The following NECTIN1 variants were observed in gnomAD, a reference collection of about 807,000 sequenced individuals.
The protein encoded by NECTIN1 is nectin cell adhesion molecule 1.
A neutral mutation model predicts 48.0 loss-of-function variants in NECTIN1; 23 were observed. The ratio of observed to expected loss-of-function variants is 0.48; its 90% CI spans 0.34 to 0.68. NECTIN1 has a LOEUF of 0.68. NECTIN1 is among the 30% of genes least tolerant of loss of function. The pLI, the probability that NECTIN1 is intolerant of heterozygous loss-of-function variation, is 0.01. For missense variants in NECTIN1, 591 were observed against 709.9 expected (o/e 0.83, Z 1.90); for synonymous variants, 270 against 288.9 (o/e 0.93, Z 0.66).
At chr11:119,714,045 A>G (rs1220628265) in intron 1 of NECTIN1, 1 of 310,346 alleles carries the variant, frequency 3.2e-6, no homozygotes, top group Admixed American at 4.3e-5. Flanking sequence ...CTGAGGGTAC[A>G]TCGAAGCTCA....
chr11:119,701,481 G>A (rs1450516914), intron 1 of NECTIN1, among the ~76,000 whole-genome samples: 4 of 152,004 alleles, frequency 2.6e-5, no homozygotes, highest in African/African-American at 7.3e-5. Flanking sequence ...CATTGTGGGG[G>A]CCCTCTCAGC....
At chr11:119,655,102 G>T (rs960458255) in intron 5 of NECTIN1, among the ~76,000 whole-genome samples, 1 of 151,104 alleles carries the variant, frequency 6.6e-6, no homozygotes, top group Non-Finnish European at 1.5e-5. Flanking sequence ...GTGGAGATGG[G>T]GTTTCACCAT....
In NECTIN1 at chr11:119,677,624, G is replaced by T. The variant is rs752333781; in HGVS notation, c.664C>A (p.Gln222Lys). Residue 222 changes from glutamine to lysine, a missense_variant, in exon 3 of 6, where the codon CAG (glutamine) becomes AAG (lysine). Physicochemically the swap from Gln to Lys is moderately conservative, Grantham distance 53. Coordinates refer to ENST00000264025, the MANE Select transcript of NECTIN1 (RefSeq NM_002855.5). The surrounding 1 kb of genome is among the most constrained non-coding windows in gnomAD (Gnocchi z 5.4). ...RLVPSREAHQQSLACIVNYHM... is the reference protein window; with the variant it reads ...RLVPSREAHQKSLACIVNYHM... ...TAGTTGACGATGCAGGCCAAGGACT[G>T]CTGGTGGGCTTCCCTGCTGGGCACC... is the stretch of plus-strand genomic sequence containing the variant. 2 of 1,613,764 alleles carry T rather than the reference G, an allele frequency of 1.2e-6. No individual in the cohort carries two copies. The highest frequency in any genetic ancestry group is 1.7e-6 in the Non-Finnish European group (2 of 1,180,026).
rs1164216284 is a variant in NECTIN1 at position 119,661,410 on chromosome 11, G to A, written c.*3337C>T. 1 of 985,886 alleles carries A rather than the reference G, an allele frequency of 1.0e-6. No homozygotes were observed. The highest frequency in any genetic ancestry group is 1.7e-5 in the African/African-American group (1 of 57,256). The allele number at this position is 985,886 out of a possible 1,614,324, so 61.1% of individuals were successfully genotyped here. A position where few individuals can be genotyped will look rare whatever the true frequency, so the allele number is the denominator to read the frequency against. The stretch of plus-strand genomic sequence containing the variant: ...CCTGGCATCCCCGGTACTGGGCAGT[G>A]TGTGAAGCCTCCCTGTGGGTGTGGG... On this transcript the variant is annotated 3_prime_UTR_variant, in exon 6 of 6. Transcript: ENST00000264025.
chr11:119,663,181 C>T lies in NECTIN1; in HGVS notation c.*1566G>A, dbSNP rs1034886973. The T allele has an allele frequency of 1.3e-5, 13 of 985,490 alleles. No homozygotes were observed. The highest frequency in any genetic ancestry group is 1.0e-3 in the Middle Eastern group (2 of 1,916). The allele number at this position is 985,490 out of a possible 1,614,324, so 61.0% of individuals were successfully genotyped here. A position where few individuals can be genotyped will look rare whatever the true frequency, so the allele number is the denominator to read the frequency against. ...GTTAACTGGAATCCCAGTGGGCAGG[C>T]ATGAAGGGCCGCGAAGCCTGCCTCT... On this transcript the variant is annotated 3_prime_UTR_variant, in exon 6 of 6. Transcript: ENST00000264025.
intron 5 of NECTIN1, among the ~76,000 whole-genome samples, chr11:119,654,976 C>G (rs1864547791): frequency 6.6e-6 from 1 of 152,008 alleles, no homozygotes; most frequent in African/African-American, 2.4e-5. Context: ...ATGGTGCGAC[C>G]TCGGTCCACT....
chr11:119,719,890 T>A (rs879726585), intron 1 of NECTIN1, among the ~76,000 whole-genome samples: 6 of 152,056 alleles, frequency 3.9e-5, no homozygotes, highest in Non-Finnish European at 8.8e-5. Context: ...GGGGAGCGGG[T>A]CATGAAAGCT....
At chr11:119,721,811 C>T (rs1042575698) in intron 1 of NECTIN1, among the ~76,000 whole-genome samples, 1 of 152,384 alleles carries the variant, frequency 6.6e-6, no homozygotes, top group Admixed American at 6.5e-5. Flanking sequence ...CTCCAGGACA[C>T]TGCTTCCCTG....
At chr11:119,675,425 G>T in intron 4 of NECTIN1, 115 bp from the exon 5 acceptor site, 4 of 1,016,810 alleles carry the variant, frequency 3.9e-6, no homozygotes, top group Non-Finnish European at 6.2e-6. Context: ...TTGTGTGGTA[G>T]AGTCTGTCTT....
rs1865122442 is a variant in NECTIN1, at chr11:119,684,568, G to A, written c.80-5803C>T. On this transcript the variant is annotated intron_variant, in intron 1 of 5. Transcript: ENST00000264025. This position sits in a 1 kb window ranked among gnomAD's most constrained non-coding sequence, Gnocchi z 5.2. ...GAGAAACCGGCTAAGTGGTAAGTGG[G>A]AGTGACTCACCCACTGGGAGGGGCA... 6.6e-6 allele frequency among the ~76,000 whole-genome samples: 1 copy of A among 152,204 alleles called. No individual in the cohort carries two copies.
rs1309534805 is a variant in NECTIN1 at position 119,677,884 on chromosome 11, G to A, written c.431-27C>T. 2 of 1,609,020 alleles carry A rather than the reference G, an allele frequency of 1.2e-6. No individual in the cohort carries two copies. The highest frequency in any genetic ancestry group is 1.7e-6 in the Non-Finnish European group (2 of 1,176,450). On this transcript the variant is annotated intron_variant, in intron 2 of 5. Transcript: ENST00000264025. This position sits in a 1 kb window ranked among gnomAD's most constrained non-coding sequence, Gnocchi z 5.4. ...TGCGAGGAAGCAGAGAGAGTGATGGGACTAGCCCTGTTGACTTGTCCAAGA... is the reference window on the plus strand; with the variant it reads ...TGCGAGGAAGCAGAGAGAGTGATGGAACTAGCCCTGTTGACTTGTCCAAGA...
chr11:119,681,287 C>A (rs917599054), intron 1 of NECTIN1, among the ~76,000 whole-genome samples: 1 of 152,244 alleles, frequency 6.6e-6, no homozygotes, highest in Non-Finnish European at 1.5e-5. Flanking sequence ...AAGCTAGGAA[C>A]AGGAAAAGCC....
chr11:119,655,217 C>CTT (rs934080607), intron 5 of NECTIN1, among the ~76,000 whole-genome samples: 1 of 145,928 alleles, frequency 6.9e-6, no homozygotes. Flanking sequence ...GGGTAACAGA[C>CTT]TTTTTTTTTT....
intron 1 of NECTIN1, among the ~76,000 whole-genome samples, chr11:119,710,905 T>C (rs1023281449): frequency 6.6e-6 from 1 of 152,022 alleles, no homozygotes; most frequent in Non-Finnish European, 1.5e-5. Flanking sequence ...CACACACACA[T>C]AACCGCAGAC....
At chr11:119,696,728 A>G (rs1865346878) in intron 1 of NECTIN1, among the ~76,000 whole-genome samples, 1 of 152,170 alleles carries the variant, frequency 6.6e-6, no homozygotes, top group East Asian at 1.9e-4. Flanking sequence ...GGAATTGCAC[A>G]GGGTTGGCTC....
At chr11:119,680,803 T>C (rs1865047203) in intron 1 of NECTIN1, among the ~76,000 whole-genome samples, 1 of 152,248 alleles carries the variant, frequency 6.6e-6, no homozygotes, top group African/African-American at 2.4e-5. Flanking sequence ...CTCCTCCAGC[T>C]GTTCCCTCTG....
At position 119,664,103 on chromosome 11, in the gene NECTIN1, A is replaced by T; in HGVS notation, c.*644T>A. 1.0e-6 allele frequency: 1 copy of T among 985,936 alleles called. No homozygotes were observed. The highest frequency in any genetic ancestry group is 1.2e-6 in the Non-Finnish European group (1 of 830,096). The allele number at this position is 985,936 out of a possible 1,614,324, so 61.1% of individuals were successfully genotyped here. ...TCTCTGTGGGCCAATGAGGAAAAAA[A>T]ATGTAAAACCACCCTCAGCAGGAAA... On this transcript the variant is annotated 3_prime_UTR_variant, in exon 6 of 6. Coordinates refer to ENST00000264025, the MANE Select transcript of NECTIN1 (RefSeq NM_002855.5).
intron 1 of NECTIN1, among the ~76,000 whole-genome samples, chr11:119,700,123 C>G (rs566470159): frequency 2.0e-5 from 3 of 152,136 alleles, no homozygotes; most frequent in African/African-American, 7.2e-5. Flanking sequence ...GGTGAGGGCC[C>G]GCCTGAGGGT....
At chr11:119,647,171 G>A (rs1205968038) in intron 5 of NECTIN1, among the ~76,000 whole-genome samples, 1 of 63,824 alleles carries the variant, frequency 1.6e-5, no homozygotes, top group Non-Finnish European at 3.4e-5. Flanking sequence ...ATGTGTGTGT[G>A]TGTGTGTGTG....
Sources: gnomAD v4.1 joint callset for allele counts (sites outside exome capture counted in the v4.1 genomes callset) on GRCh38, gnomAD v4.1.1 for gene constraint, Gnocchi (gnomAD v3.1) non-coding constraint, MANE v1.5 for transcripts, NCBI Gene and HGNC (gene_info 2026-07-23, HGNC 2026-07-21) for gene names.